The following TRIP11 variants were observed in gnomAD, a reference collection of about 807,000 sequenced individuals.
The protein encoded by TRIP11 is thyroid hormone receptor interactor 11.
TRIP11 carries 148 observed loss-of-function variants against 223.1 expected under a neutral mutation model. That is an observed-to-expected ratio of 0.66 (90% CI 0.58 to 0.76). The LOEUF is 0.76. Ranked by LOEUF, TRIP11 falls within the 30% of genes least tolerant of loss-of-function variation. The pLI, the probability that TRIP11 is intolerant of heterozygous loss-of-function variation, is 0.00. For synonymous variants in TRIP11, 762 were observed against 772.6 expected, an observed-to-expected ratio of 0.99 and a Z score of 0.23; for missense variants, 2,043 against 2,222.0, an observed-to-expected ratio of 0.92 and a Z score of 1.62.
intron 16 of TRIP11, among the ~76,000 whole-genome samples, chr14:91,979,284 G>C (rs1157344006): frequency 6.6e-6 from 1 of 150,962 alleles, no homozygotes; most frequent in East Asian, 1.9e-4. Flanking sequence ...GAGAGAGAGA[G>C]AGAGAAAGTG....
chr14:91,971,305 G>A (rs139454295), intron 20 of TRIP11, among the ~76,000 whole-genome samples: 57 of 152,286 alleles, frequency 3.7e-4, no homozygotes, highest in African/African-American at 1.2e-3. Context: ...TTCCCAAGCC[G>A]TACTTTCCTA....
chr14:92,003,830 C>G lies in TRIP11; in HGVS notation c.4146G>C (p.Glu1382Asp), dbSNP rs775736543. ...TTTGTTCGTGTTCTTTTCTTTCTAG[C>G]TCTGAGGTGGCAGCAATCGAATCAG... ...RLSDSIAATS[E>D]LERKEHEQTD... Residue 1382 changes from glutamate to aspartate, a missense_variant, in exon 11 of 21, where the codon GAG becomes GAC. Glu to Asp is a conservative substitution (Grantham distance 45). Coordinates refer to ENST00000267622, the MANE Select transcript of TRIP11 (RefSeq NM_004239.4). 2.5e-6 allele frequency: 4 copies of G among 1,614,066 alleles called. No individual in the cohort carries two copies. In the South Asian group the frequency reaches 4.4e-5, roughly 18 times the overall value.
At position 92,004,536 on chromosome 14, in the gene TRIP11, A is replaced by G; in HGVS notation, c.3440T>C (p.Phe1147Ser). 2.5e-6 allele frequency: 4 copies of G among 1,613,326 alleles called. No individual in the cohort carries two copies. The highest frequency in any genetic ancestry group is 3.4e-6 in the Non-Finnish European group (4 of 1,179,928). ...AAACATATCTTGGCCACTACTTTCAAATCTAGTGGACAATTTTTTATTTTC... is the reference window on the plus strand; with the variant it reads ...AAACATATCTTGGCCACTACTTTCAGATCTAGTGGACAATTTTTTATTTTC... Reference protein sequence around the residue: ...QDENKKLSTRFESSGQDMFRE... With the variant: ...QDENKKLSTRSESSGQDMFRE... Residue 1147 changes from phenylalanine to serine, a missense_variant, in exon 11 of 21, where the codon TTT becomes TCT. By Grantham distance (155) the Phe-to-Ser change is radical. Transcript: ENST00000267622.
intron 16 of TRIP11, among the ~76,000 whole-genome samples, chr14:91,984,480 T>C (rs1360824820): frequency 6.6e-6 from 1 of 151,980 alleles, no homozygotes; most frequent in Non-Finnish European, 1.5e-5. Context: ...CATGCCTGGC[T>C]AATTTTTATA....
chr14:91,974,988 A>G (rs1360867998), intron 18 of TRIP11, among the ~76,000 whole-genome samples, 184 bp downstream of exon 18: 1 of 152,250 alleles, frequency 6.6e-6, no homozygotes, highest in Non-Finnish European at 1.5e-5. Flanking sequence ...AAGTTACAAA[A>G]CATTTAAACT....
At chr14:91,990,978 T>TG (rs2056664681) in intron 15 of TRIP11, among the ~76,000 whole-genome samples, 2 of 152,258 alleles carry the variant, frequency 1.3e-5, no homozygotes, top group African/African-American at 4.8e-5. Flanking sequence ...TATTAAAAGA[T>TG]GCTTGACCTC....
At position 92,023,211 on chromosome 14, in the gene TRIP11, G is replaced by A. The variant is rs115021095; in HGVS notation, c.313-1380C>T. 6.1e-3 allele frequency among the ~76,000 whole-genome samples: 923 copies of A among 152,252 alleles called. 12 individuals carry two copies. The highest frequency in any genetic ancestry group is 0.021 in the African/African-American group (884 of 41,524). Reference sequence around the variant, plus strand: ...CCCCACCAGTGTTTTCAACTGTGAGGTAGGCATCAGAATAACCTGTGGAGC... The same window carrying A: ...CCCCACCAGTGTTTTCAACTGTGAGATAGGCATCAGAATAACCTGTGGAGC... On this transcript the variant is annotated intron_variant, in intron 3 of 20. Transcript: ENST00000267622.
intron 8 of TRIP11, among the ~76,000 whole-genome samples, chr14:92,011,287 C>A (rs1386951485): frequency 6.6e-6 from 1 of 151,710 alleles, no homozygotes; most frequent in Non-Finnish European, 1.5e-5. Flanking sequence ...GTCAGGAAAT[C>A]AAGACCATCC....
chr14:92,006,877 A>G (rs1312036918), intron 10 of TRIP11, among the ~76,000 whole-genome samples: 1 of 152,010 alleles, frequency 6.6e-6, no homozygotes. Flanking sequence ...CATGTTGGTC[A>G]GGCTGGTCTC....
chr14:92,000,167 AG>A (rs1595383221), intron 11 of TRIP11, 59 bp from the exon 12 acceptor site: 1 of 1,607,324 alleles, frequency 6.2e-7, no homozygotes, highest in African/African-American at 1.3e-5. Context: ...ATTTTAAAAG[AG>A]ACATTTTCTT....
chr14:91,967,523 T>C lies in TRIP11; in HGVS notation c.*2150A>G, dbSNP rs538731101. On this transcript the variant is annotated 3_prime_UTR_variant, in exon 21 of 21. Coordinates refer to ENST00000267622, the MANE Select transcript of TRIP11 (RefSeq NM_004239.4). ...TGCTCTGTGATGTTTAGCTATGCAA[T>C]CCACCCACAACAGCTTTTAAACTTA... is the stretch of plus-strand genomic sequence containing the variant. The C allele has an allele frequency of 3.0e-5, 6 of 198,188 alleles. No homozygotes were observed. The South Asian group carries it at 1.2e-3, about 38-fold the overall frequency. The allele number at this position is 198,188 out of a possible 1,614,324, so 12.3% of individuals were successfully genotyped here.
At chr14:91,970,503 C>A (rs1412349170) in intron 20 of TRIP11, among the ~76,000 whole-genome samples, 1 of 152,032 alleles carries the variant, frequency 6.6e-6, no homozygotes, top group Non-Finnish European at 1.5e-5. Flanking sequence ...TGGCTAAAAT[C>A]TGACTAATGT....
chr14:91,982,855 C>T (rs1425537726), intron 16 of TRIP11, among the ~76,000 whole-genome samples: 1 of 152,194 alleles, frequency 6.6e-6, no homozygotes, highest in Non-Finnish European at 1.5e-5. Context: ...GTGATCCATA[C>T]TAAGAGATTC....
intron 11 of TRIP11, among the ~76,000 whole-genome samples, chr14:92,000,739 C>A (rs1038408821): frequency 6.6e-6 from 1 of 152,176 alleles, no homozygotes; most frequent in Admixed American, 6.5e-5. Flanking sequence ...CATAAAGTAT[C>A]CACAATTGTT....
intron 3 of TRIP11, among the ~76,000 whole-genome samples, chr14:92,024,555 T>C (rs956038085): frequency 2.6e-5 from 4 of 152,176 alleles, no homozygotes; most frequent in African/African-American, 9.7e-5. Context: ...TCTTTCACCT[T>C]AGCATGTCAC....
chr14:92,025,249 TA>T, intron 3 of TRIP11, 60 bp downstream of exon 3: 2 of 1,291,474 alleles, frequency 1.5e-6, no homozygotes, highest in South Asian at 1.2e-5. Flanking sequence ...ATTCTAACTC[TA>T]AAAACATACC....
chr14:91,998,941 G>A (rs184446583), intron 13 of TRIP11, among the ~76,000 whole-genome samples: 1 of 152,234 alleles, frequency 6.6e-6, no homozygotes, highest in Admixed American at 6.5e-5. Flanking sequence ...ATTAAAATCA[G>A]TCAGAATTTC....
intron 15 of TRIP11, 142 bp from the exon 16 acceptor site, chr14:91,988,525 A>C: frequency 1.5e-6 from 1 of 687,552 alleles, no homozygotes; most frequent in Non-Finnish European, 2.5e-6. Context: ...TATCCAACCA[A>C]TAAGTATCAA....
intron 16 of TRIP11, among the ~76,000 whole-genome samples, chr14:91,981,004 ATATATATATTTTTT>A (rs1304278600): frequency 1.5e-5 from 1 of 67,582 alleles, no homozygotes; most frequent in African/African-American, 7.0e-5. Context: ...ATATATATAT[ATATATATATTTTTT>A]TTTTTTTTTT....
Sources: gnomAD v4.1 joint callset for allele counts (sites outside exome capture counted in the v4.1 genomes callset) on GRCh38, gnomAD v4.1.1 for gene constraint, MANE v1.5 for transcripts, NCBI Gene and HGNC (gene_info 2026-07-23, HGNC 2026-07-21) for gene names.